ZNF385D: variants seen among roughly 807,000 people sequenced by gnomAD.
ZNF385D encodes zinc finger protein 385D, also known as zinc finger protein 659.
In ZNF385D, 15 loss-of-function variants were observed where a neutral mutation model predicts 35.8. That is an observed-to-expected ratio of 0.42 (90% CI 0.28 to 0.64). The LOEUF (loss-of-function observed/expected upper bound fraction) is 0.64. ZNF385D is among the 30% of genes least tolerant of loss of function. ZNF385D has a pLI of 0.23. For missense variants in ZNF385D, 474 were observed against 494.6 expected (o/e 0.96, Z 0.39); for synonymous variants, 212 against 186.8 (o/e 1.13, Z -1.10).
At chr3:21,654,143 T>C (rs1349293009) in intron 2 of ZNF385D, among the ~76,000 whole-genome samples, 1 of 152,032 alleles carries the variant, frequency 6.6e-6, no homozygotes, top group Non-Finnish European at 1.5e-5. Flanking sequence ...AAGTTTCTTA[T>C]CTCTATATAT....
chr3:21,855,708 G>C (rs1696673237), intron 3 of ZNF385D, among the ~76,000 whole-genome samples: 1 of 151,946 alleles, frequency 6.6e-6, no homozygotes, highest in Admixed American at 6.6e-5. Context: ...TGTGCTAAAA[G>C]GTACAGAATG....
chr3:21,435,996 A>T (rs1167052334), intron 5 of ZNF385D, among the ~76,000 whole-genome samples: 1 of 152,244 alleles, frequency 6.6e-6, no homozygotes, highest in Non-Finnish European at 1.5e-5. Flanking sequence ...CAGCTGCAAT[A>T]TTAACTCAGG....
intron 1 of ZNF385D, among the ~76,000 whole-genome samples, chr3:21,712,267 A>G (rs1282920105): frequency 1.3e-5 from 2 of 152,158 alleles, no homozygotes; most frequent in Non-Finnish European, 1.5e-5. Flanking sequence ...TCTACTTCTA[A>G]GCCATCACAG....
rs57448532 is a variant in ZNF385D at position 22,143,059 on chromosome 3, TTGTGTGTGTGTGTGTG to T, written c.325+25742_325+25757del. On this transcript the variant is annotated intron_variant, in intron 3 of 5. Transcript: ENST00000494108. ...CATTTGATATATTCTATTAAATCGG[TTGTGTGTGTGTGTGTG>T]TGTGTGTGTGTGTGTGTGTGTGTGT... 6.5e-3 allele frequency among the ~76,000 whole-genome samples: 919 copies of T among 140,966 alleles called. 7 individuals are homozygous for T. Among genetic ancestry groups the T allele is most frequent in the African/African-American group, 0.021 (778 of 36,840 alleles). 92.5% of individuals were successfully genotyped at this position (140,966 alleles called of 152,430 possible).
chr3:21,816,694 A>C (rs1012805455), intron 3 of ZNF385D, among the ~76,000 whole-genome samples: 63 of 152,234 alleles, frequency 4.1e-4, no homozygotes, highest in African/African-American at 1.4e-3. Flanking sequence ...AGAACACAAA[A>C]AAATGGAAGA....
chr3:21,876,334 TG>T (rs931665107), intron 3 of ZNF385D, among the ~76,000 whole-genome samples: 2 of 151,648 alleles, frequency 1.3e-5, no homozygotes, highest in Admixed American at 1.3e-4. Flanking sequence ...TCATTCAGCC[TG>T]GTCAAAACGG....
At chr3:21,921,100 G>A (rs1368787229) in intron 3 of ZNF385D, among the ~76,000 whole-genome samples, 2 of 151,646 alleles carry the variant, frequency 1.3e-5, no homozygotes, top group Non-Finnish European at 1.5e-5. Context: ...GCGGGCGCCT[G>A]TAGTCCCAGC....
chr3:21,734,599 A>G (rs2069160521), intron 1 of ZNF385D, among the ~76,000 whole-genome samples: 1 of 152,168 alleles, frequency 6.6e-6, no homozygotes, highest in Non-Finnish European at 1.5e-5. Context: ...CAGAAGGTTA[A>G]GAAATGAGGA....
At chr3:22,260,392 A>C (rs143468178) in intron 2 of ZNF385D, among the ~76,000 whole-genome samples, 5 of 152,054 alleles carry the variant, frequency 3.3e-5, no homozygotes, top group African/African-American at 7.2e-5. Context: ...CAAATACCTA[A>C]TGCAAGCAGG....
intron 3 of ZNF385D, among the ~76,000 whole-genome samples, chr3:22,069,651 T>C (rs2620557): frequency 0.37 from 56,185 of 151,944 alleles, 10,508 homozygotes; most frequent in South Asian, 0.41. Flanking sequence ...CACAATGACC[T>C]CTTCATTCTA....
chr3:22,109,638 C>T (rs745765489), intron 3 of ZNF385D, among the ~76,000 whole-genome samples: 1 of 152,054 alleles, frequency 6.6e-6, no homozygotes, highest in African/African-American at 2.4e-5. Context: ...AAGTCTCTTT[C>T]TAGGTCTCTA....
chr3:22,338,579 T>G (rs1695275385), intron 2 of ZNF385D, among the ~76,000 whole-genome samples: 1 of 152,128 alleles, frequency 6.6e-6, no homozygotes, highest in Non-Finnish European at 1.5e-5. Context: ...TAGATATGTC[T>G]TATCTTTTCT....
intron 2 of ZNF385D, among the ~76,000 whole-genome samples, chr3:21,635,102 A>G (rs2125844032): frequency 6.6e-6 from 1 of 152,210 alleles, no homozygotes; most frequent in Admixed American, 6.5e-5. Context: ...ATATCACAGA[A>G]AGAGAGATTT....
chr3:22,322,944 T>C (rs975866522), intron 2 of ZNF385D, among the ~76,000 whole-genome samples: 1 of 152,232 alleles, frequency 6.6e-6, no homozygotes, highest in African/African-American at 2.4e-5. Flanking sequence ...CTCATTGCTA[T>C]GGCACCTTAA....
chr3:21,938,390 C>T (rs1025191514), intron 3 of ZNF385D, among the ~76,000 whole-genome samples: 1 of 152,114 alleles, frequency 6.6e-6, no homozygotes, highest in African/African-American at 2.4e-5. Flanking sequence ...AATTGGGCTG[C>T]AAGTGCTGAG....
chr3:21,907,428 T>A (rs1458865737), intron 3 of ZNF385D, among the ~76,000 whole-genome samples: 1 of 152,154 alleles, frequency 6.6e-6, no homozygotes, highest in East Asian at 1.9e-4. Flanking sequence ...ATCAATATAG[T>A]TTTCTCACAT....
In ZNF385D at chr3:21,413,826, A is replaced by C. The variant is rs902757139; in HGVS notation, c.*7388T>G. The C allele has an allele frequency of 1.1e-4, 17 of 152,118 alleles. No homozygotes were observed. Among genetic ancestry groups the C allele is most frequent in the African/African-American group, 3.9e-4 (16 of 41,420 alleles). The allele number at this position is 152,118 out of a possible 1,614,324, so 9.4% of individuals were successfully genotyped here. On this transcript the variant is annotated 3_prime_UTR_variant, in exon 8 of 8. Coordinates refer to ENST00000281523, the MANE Select transcript of ZNF385D (RefSeq NM_024697.3). ...ACTGCCTTCAATTTATAGTCACTAAATGCATGTGGATTAAAATATTTTTAG... is the reference window on the plus strand; with the variant it reads ...ACTGCCTTCAATTTATAGTCACTAACTGCATGTGGATTAAAATATTTTTAG...
intron 3 of ZNF385D, among the ~76,000 whole-genome samples, chr3:22,147,984 G>A (rs1483242539): frequency 1.3e-5 from 2 of 152,150 alleles, no homozygotes; most frequent in Non-Finnish European, 2.9e-5. Context: ...GGCTGACATG[G>A]AGTAAATACT....
intron 4 of ZNF385D, among the ~76,000 whole-genome samples, chr3:21,482,469 C>T (rs180952088): frequency 1.3e-5 from 2 of 152,134 alleles, no homozygotes; most frequent in Non-Finnish European, 2.9e-5. Context: ...TAGAGGCAAC[C>T]ATTCCCTAAG....
Sources: gnomAD v4.1 joint callset for allele counts (sites outside exome capture counted in the v4.1 genomes callset) on GRCh38, gnomAD v4.1.1 for gene constraint, MANE v1.5 for transcripts, NCBI Gene and HGNC (gene_info 2026-07-23, HGNC 2026-07-21) for gene names.